PRDM5: variants seen among roughly 807,000 people sequenced by gnomAD.
PRDM5 encodes PR/SET domain 5, also known as PR domain zinc finger protein 5.
Under a neutral mutation model 81.2 loss-of-function variants are expected in PRDM5, and 56 were observed. The ratio of observed to expected loss-of-function variants is 0.69; its 90% CI spans 0.56 to 0.86. The LOEUF (loss-of-function observed/expected upper bound fraction) is 0.86. Ranked by LOEUF, PRDM5 falls within the 40% of genes least tolerant of loss-of-function variation. The pLI, the probability that PRDM5 is intolerant of heterozygous loss-of-function variation, is 0.00. For missense variants in PRDM5, 697 were observed against 770.1 expected (o/e 0.91, Z 1.12); for synonymous variants, 267 against 256.4 (o/e 1.04, Z -0.39).
intron 1 of PRDM5, among the ~76,000 whole-genome samples, chr4:120,921,342 T>C (rs1724887311): frequency 6.6e-6 from 1 of 152,246 alleles, no homozygotes; most frequent in East Asian, 1.9e-4. Context: ...TTTATTCCTG[T>C]TTTTAACATT....
chr4:120,762,672 C>A (rs1160164912), intron 13 of PRDM5: 1 of 152,134 alleles, frequency 6.6e-6, no homozygotes, highest in East Asian at 1.9e-4. Flanking sequence ...AAATGCTACA[C>A]TGACAAATAG....
At chr4:120,719,590 A>G (rs573889064) in intron 14 of PRDM5, among the ~76,000 whole-genome samples, 1 of 152,318 alleles carries the variant, frequency 6.6e-6, no homozygotes, top group Admixed American at 6.5e-5. Flanking sequence ...AAATTCTACA[A>G]TAGACCTTAT....
intron 12 of PRDM5, 48 bp from the exon 13 acceptor site, chr4:120,777,329 G>A (rs762581762): frequency 2.5e-6 from 4 of 1,611,598 alleles, no homozygotes; most frequent in African/African-American, 2.7e-5. Context: ...AAAGAATTAG[G>A]TAAAGATGAT....
chr4:120,863,191 T>TATATACACACAC (rs1553997193), intron 2 of PRDM5, among the ~76,000 whole-genome samples: 39 of 70,314 alleles, frequency 5.5e-4, no homozygotes, highest in East Asian at 1.9e-3. Flanking sequence ...TATATATATA[T>TATATACACACAC]ACACACACAC....
intron 13 of PRDM5, among the ~76,000 whole-genome samples, chr4:120,775,689 T>C (rs1748050311): frequency 6.6e-6 from 1 of 152,196 alleles, no homozygotes; most frequent in Non-Finnish European, 1.5e-5. Flanking sequence ...ACAAATTATA[T>C]GTACATGCAC....
intron 3 of PRDM5, among the ~76,000 whole-genome samples, chr4:120,829,171 G>A (rs745548097): frequency 3.9e-5 from 6 of 152,004 alleles, no homozygotes; most frequent in Non-Finnish European, 8.8e-5. Flanking sequence ...AGGTTGAGAG[G>A]CCCATTCTCC....
At chr4:120,914,345 T>C (rs892010566) in intron 1 of PRDM5, among the ~76,000 whole-genome samples, 5 of 151,946 alleles carry the variant, frequency 3.3e-5, no homozygotes, top group African/African-American at 9.7e-5. Flanking sequence ...AGAATCAAAT[T>C]CAAAAACAAA....
chr4:120,845,708 C>T (rs778414395), intron 3 of PRDM5, among the ~76,000 whole-genome samples: 7 of 152,164 alleles, frequency 4.6e-5, no homozygotes, highest in South Asian at 4.1e-4. Flanking sequence ...GGATAAATTT[C>T]GACTTTCAAA....
chr4:120,717,489 CA>C (rs1289311549), intron 14 of PRDM5, among the ~76,000 whole-genome samples: 5 of 152,166 alleles, frequency 3.3e-5, no homozygotes, highest in South Asian at 4.1e-4. Flanking sequence ...TCAAATGTTA[CA>C]TTTTTTTGAT....
At chr4:120,769,736 T>TC (rs1746964197) in intron 13 of PRDM5, among the ~76,000 whole-genome samples, 1 of 152,274 alleles carries the variant, frequency 6.6e-6, no homozygotes, top group African/African-American at 2.4e-5. Context: ...AAATCTAGCA[T>TC]CCTTAAGAAG....
intron 13 of PRDM5, among the ~76,000 whole-genome samples, chr4:120,774,493 G>A (rs1362122705): frequency 6.6e-6 from 1 of 152,234 alleles, no homozygotes; most frequent in African/African-American, 2.4e-5. Flanking sequence ...AAAACCATGT[G>A]ATTACTGAAC....
chr4:120,861,107 A>C (rs1217355814), intron 2 of PRDM5, among the ~76,000 whole-genome samples: 1 of 152,178 alleles, frequency 6.6e-6, no homozygotes, highest in Non-Finnish European at 1.5e-5. Context: ...TCCTGGATTC[A>C]AGCAATTCTC....
At position 120,711,841 on chromosome 4, in the gene PRDM5, A is replaced by T. The variant is rs546518125; in HGVS notation, c.1624-1428T>A. Among the ~76,000 whole-genome samples, 278 of 152,262 alleles carry T rather than the reference A, an allele frequency of 1.8e-3. 1 individual carries two copies. Among genetic ancestry groups the T allele is most frequent in the Middle Eastern group, 6.8e-3 (2 of 294 alleles). On this transcript the variant is annotated intron_variant, in intron 14 of 15. Transcript: ENST00000264808. Reference sequence around the variant, plus strand: ...TTTTATCACCATCTTTTTAGCCCGGATTAATTGTGAAATAAATTAATTAAT... The same window carrying T: ...TTTTATCACCATCTTTTTAGCCCGGTTTAATTGTGAAATAAATTAATTAAT...
intron 14 of PRDM5, among the ~76,000 whole-genome samples, chr4:120,737,094 G>C (rs1010869303): frequency 6.6e-5 from 10 of 152,132 alleles, no homozygotes; most frequent in African/African-American, 2.2e-4. Flanking sequence ...AGCTTCATCT[G>C]TCAGGCGTGT....
Position 120,883,543 on chromosome 4 carries a change from G to C in PRDM5, c.177+23931C>G, listed in dbSNP as rs189868277. On this transcript the variant is annotated intron_variant, in intron 2 of 15. Transcript: ENST00000264808. Reference sequence around the variant, plus strand: ...GAAACTGGTTCTAAGAAGTTAACAAGGACACAGGAAGGGCAACATCACACA... The same window carrying C: ...GAAACTGGTTCTAAGAAGTTAACAACGACACAGGAAGGGCAACATCACACA... 5.5e-5 allele frequency among the ~76,000 whole-genome samples: 8 copies of C among 144,774 alleles called. No individual in the cohort carries two copies. In the East Asian group the frequency reaches 1.6e-3, roughly 30 times the overall value. The allele number at this position is 144,774 out of a possible 152,430, so 95.0% of individuals were successfully genotyped here.
At chr4:120,884,858 T>C (rs1763228919) in intron 2 of PRDM5, among the ~76,000 whole-genome samples, 1 of 151,838 alleles carries the variant, frequency 6.6e-6, no homozygotes, top group Non-Finnish European at 1.5e-5. Flanking sequence ...TCTTTCCCTT[T>C]CCCAGTTCAA....
intron 3 of PRDM5, among the ~76,000 whole-genome samples, chr4:120,849,073 T>C (rs1758971348): frequency 6.6e-6 from 1 of 152,226 alleles, no homozygotes; most frequent in Non-Finnish European, 1.5e-5. Context: ...GCCATCATTT[T>C]GCACATAAGT....
chr4:120,782,982 A>AT (rs902780705), intron 11 of PRDM5, among the ~76,000 whole-genome samples: 1 of 151,846 alleles, frequency 6.6e-6, no homozygotes, highest in African/African-American at 2.4e-5. Flanking sequence ...AATTTATCAG[A>AT]TTTTTTCCCT....
At chr4:120,911,973 G>A (rs1265292183) in intron 1 of PRDM5, among the ~76,000 whole-genome samples, 1 of 152,038 alleles carries the variant, frequency 6.6e-6, no homozygotes, top group African/African-American at 2.4e-5. Context: ...CATAGTTCAG[G>A]CTAACCAGAC....
Sources: gnomAD v4.1 joint callset for allele counts (sites outside exome capture counted in the v4.1 genomes callset) on GRCh38, gnomAD v4.1.1 for gene constraint, MANE v1.5 for transcripts, NCBI Gene and HGNC (gene_info 2026-07-23, HGNC 2026-07-21) for gene names.